Variants in IKBKE observed in about 807,000 individuals in gnomAD.
IKBKE encodes the protein inhibitor of nuclear factor kappa-B kinase subunit epsilon.
Under a neutral mutation model 92.1 loss-of-function variants are expected in IKBKE, and 45 were observed. The ratio of observed to expected loss-of-function variants is 0.49; its 90% CI spans 0.38 to 0.63. IKBKE has a LOEUF of 0.63. Ranked by LOEUF, IKBKE falls within the 20% of genes least tolerant of loss-of-function variation. IKBKE has a pLI of 0.00. For missense variants in IKBKE, 700 were observed against 932.8 expected (o/e 0.75, Z 3.25); for synonymous variants, 374 against 380.3 (o/e 0.98, Z 0.19).
Position 206,496,331 on chromosome 1 carries a change from G to T in IKBKE, c.*186G>T. On this transcript the variant is annotated 3_prime_UTR_variant, in exon 22 of 22. Transcript: ENST00000581977. ...TTTCTCCCTGGGAAGCAGCACAGCT[G>T]AGACTGGGCACCAGGCCACCTCTGT... 1.7e-6 allele frequency: 1 copy of T among 600,412 alleles called. No individual in the cohort carries two copies. The highest frequency in any genetic ancestry group is 3.0e-6 in the Non-Finnish European group (1 of 334,022). The allele number at this position is 600,412 out of a possible 1,614,324, so 37.2% of individuals were successfully genotyped here. A position where few individuals can be genotyped will look rare whatever the true frequency, so the allele number is the denominator to read the frequency against.
rs1553388265 is a variant in IKBKE at position 206,485,120 on chromosome 1, C to T, written c.1503+48C>T. The T allele has an allele frequency of 6.3e-7, 1 of 1,591,350 alleles. No homozygotes were observed. The highest frequency in any genetic ancestry group is 8.6e-7 in the Non-Finnish European group (1 of 1,159,370). On this transcript the variant is annotated intron_variant, in intron 14 of 21. Transcript: ENST00000581977. The surrounding 1 kb of genome is among the most constrained non-coding windows in gnomAD (Gnocchi z 5.0). ...GGCTTAGCAGGATCAGAGCTGGGGG[C>T]CCGTGTTCCAGCCAGCCTGCCCACC...
intron 16 of IKBKE, among the ~76,000 whole-genome samples, chr1:206,488,412 G>T (rs959128437): frequency 2.0e-5 from 3 of 152,188 alleles, no homozygotes; most frequent in Non-Finnish European, 4.4e-5. Context: ...TCCAGAAAAG[G>T]GGGGGTCAGG....
chr1:206,481,244 G>A (rs1326207890), intron 13 of IKBKE, among the ~76,000 whole-genome samples: 1 of 152,236 alleles, frequency 6.6e-6, no homozygotes, highest in East Asian at 1.9e-4. Flanking sequence ...GAGCTCTGCA[G>A]CCTAGGGATG....
Position 206,474,260 on chromosome 1 carries a change from G to T in IKBKE, c.88-71G>T, listed in dbSNP as rs1353855098. The T allele has an allele frequency of 4.2e-6, 6 of 1,441,152 alleles. No homozygotes were observed. The East Asian group carries it at 6.9e-5, about 17-fold the overall frequency. 89.3% of individuals were successfully genotyped at this position (1,441,152 alleles called of 1,614,324 possible). ...CTGAATGGAGGCCCAGGAGAGGGTG[G>T]CTGCTCCCCTGTGGGAGTGGGACAT... On this transcript the variant is annotated intron_variant, in intron 3 of 21. Coordinates refer to ENST00000581977, the MANE Select transcript of IKBKE (RefSeq NM_014002.4).
Position 206,474,862 on chromosome 1 carries a change from T to A in IKBKE, c.229-3T>A. On this transcript the variant is annotated splice_polypyrimidine_tract_variant and splice_region_variant and intron_variant, in intron 4 of 21. Coordinates refer to ENST00000581977, the MANE Select transcript of IKBKE (RefSeq NM_014002.4). ...CATGAGCCCCTCTCTGTCCCACCCATAGGGCGGAAGCCGGCAGAAGGTACT... is the reference window on the plus strand; with the variant it reads ...CATGAGCCCCTCTCTGTCCCACCCAAAGGGCGGAAGCCGGCAGAAGGTACT... 1.9e-6 allele frequency: 3 copies of A among 1,613,674 alleles called. No individual in the cohort carries two copies. The highest frequency in any genetic ancestry group is 2.5e-6 in the Non-Finnish European group (3 of 1,179,822).
At chr1:206,480,821 C>T (rs1665342861) in intron 13 of IKBKE, among the ~76,000 whole-genome samples, 1 of 152,216 alleles carries the variant, frequency 6.6e-6, no homozygotes, top group Non-Finnish European at 1.5e-5. Flanking sequence ...GGCTTGTGTC[C>T]TGCCAAGTCC....
Position 206,478,106 on chromosome 1 carries a change from G to A in IKBKE, c.813-54G>A. The A allele has an allele frequency of 7.3e-6, 11 of 1,502,232 alleles. No individual in the cohort carries two copies. Among genetic ancestry groups the A allele is most frequent in the Non-Finnish European group, 3.7e-6 (4 of 1,090,814 alleles). 93.1% of individuals were successfully genotyped at this position (1,502,232 alleles called of 1,614,324 possible). On this transcript the variant is annotated intron_variant, in intron 8 of 21. Transcript: ENST00000581977. This position sits in a 1 kb window ranked among gnomAD's most constrained non-coding sequence, Gnocchi z 4.8. ...TAGAACGCTCCTATTGCCTGCTTAAGGAGGATAGGTCTGGGCCCCCACCCC... is the reference window on the plus strand; with the variant it reads ...TAGAACGCTCCTATTGCCTGCTTAAAGAGGATAGGTCTGGGCCCCCACCCC...
intron 17 of IKBKE, chr1:206,491,447 G>C: frequency 2.0e-6 from 1 of 496,004 alleles, no homozygotes; most frequent in Non-Finnish European, 3.7e-6. Context: ...GTTGATGTGG[G>C]CTTTGCTGGC....
At position 206,478,428 on chromosome 1, in the gene IKBKE, C is replaced by A; in HGVS notation, c.992+89C>A. 2.3e-6 allele frequency: 3 copies of A among 1,322,264 alleles called. No individual in the cohort carries two copies. The highest frequency in any genetic ancestry group is 1.2e-5 in the South Asian group (1 of 80,382). 81.9% of individuals were successfully genotyped at this position (1,322,264 alleles called of 1,614,324 possible). A position where few individuals can be genotyped will look rare whatever the true frequency, so the allele number is the denominator to read the frequency against. ...AAAGCAGCATCTCCCACAGTACGTT[C>A]TGAGGAGTGTGTACATAGGAACGCT... On this transcript the variant is annotated intron_variant, in intron 9 of 21. Transcript: ENST00000581977. The surrounding 1 kb of genome is among the most constrained non-coding windows in gnomAD (Gnocchi z 4.8).
intron 16 of IKBKE, among the ~76,000 whole-genome samples, chr1:206,489,345 A>ATC (rs1665818113): frequency 8.4e-6 from 1 of 119,756 alleles, no homozygotes; most frequent in Admixed American, 9.2e-5. Context: ...ATGTGTGTAT[A>ATC]TGTGTGTGTG....
At chr1:206,488,886 C>T (rs1553389473) in intron 16 of IKBKE, among the ~76,000 whole-genome samples, 1 of 152,078 alleles carries the variant, frequency 6.6e-6, no homozygotes, top group South Asian at 2.1e-4. Context: ...TGTTATTCAA[C>T]CCAATATATC....
chr1:206,490,979 A>C lies in IKBKE; in HGVS notation c.1733+121A>C. On this transcript the variant is annotated intron_variant, in intron 17 of 21. Coordinates refer to ENST00000581977, the MANE Select transcript of IKBKE (RefSeq NM_014002.4). This position sits in a 1 kb window ranked among gnomAD's most constrained non-coding sequence, Gnocchi z 5.2. Reference sequence around the variant, plus strand: ...CCTGTCCCGGACTGCAGCTGAGCAGAGTTGGGGATAACAGGTTATCTGGGG... The same window carrying C: ...CCTGTCCCGGACTGCAGCTGAGCAGCGTTGGGGATAACAGGTTATCTGGGG... 2.2e-6 allele frequency: 2 copies of C among 920,954 alleles called. No individual in the cohort carries two copies. The highest frequency in any genetic ancestry group is 3.5e-6 in the Non-Finnish European group (2 of 566,302). The allele number at this position is 920,954 out of a possible 1,614,324, so 57.0% of individuals were successfully genotyped here.
rs1233452347 is a variant in IKBKE, at chr1:206,473,235, G to A, written c.8G>A (p.Ser3Asn). The change falls in exon 3 of 22, where the codon AGC becomes AAC. Residue 3 changes from serine (S) to asparagine (N), a missense_variant. Transcript: ENST00000581977. Reference protein sequence around the residue: MQSTANYLWHTDD... With the variant: MQNTANYLWHTDD... Reference sequence around the variant, plus strand: ...GCCAGCTCAGGGCAGGAGATGCAGAGCACAGCCAATTACCTGTGGCACACA... The same window carrying A: ...GCCAGCTCAGGGCAGGAGATGCAGAACACAGCCAATTACCTGTGGCACACA... 4.3e-6 allele frequency: 7 copies of A among 1,612,078 alleles called. No homozygotes were observed. Among genetic ancestry groups the A allele is most frequent in the Non-Finnish European group, 5.9e-6 (7 of 1,179,106 alleles).
In IKBKE at chr1:206,478,791, C is replaced by T; in HGVS notation, c.993-152C>T. On this transcript the variant is annotated intron_variant, in intron 9 of 21. Coordinates refer to ENST00000581977, the MANE Select transcript of IKBKE (RefSeq NM_014002.4). This position sits in a 1 kb window ranked among gnomAD's most constrained non-coding sequence, Gnocchi z 4.8. The stretch of plus-strand genomic sequence containing the variant: ...TGAACTCTCCCCTTGGTCTCTCCAC[C>T]CTTGATGACAGAGAAAACCACCCCC... The T allele has an allele frequency of 1.4e-6, 1 of 690,818 alleles. No homozygotes were observed. Among genetic ancestry groups the T allele is most frequent in the South Asian group, 1.7e-5 (1 of 60,466 alleles). The allele number at this position is 690,818 out of a possible 1,614,324, so 42.8% of individuals were successfully genotyped here.
Position 206,490,919 on chromosome 1 carries a change from C to A in IKBKE, c.1733+61C>A. 6.9e-7 allele frequency: 1 copy of A among 1,448,838 alleles called. No individual in the cohort carries two copies. The highest frequency in any genetic ancestry group is 9.7e-7 in the Non-Finnish European group (1 of 1,031,038). The allele number at this position is 1,448,838 out of a possible 1,614,324, so 89.7% of individuals were successfully genotyped here. ...GAGGGTGGGTGTCCTCAGGGCAGAG[C>A]GATTCTCAACGCCAGAGGAGAGGCA... On this transcript the variant is annotated intron_variant, in intron 17 of 21. Transcript: ENST00000581977. The surrounding 1 kb of genome is among the most constrained non-coding windows in gnomAD (Gnocchi z 5.2).
chr1:206,495,699 T>C (rs1229395658), intron 21 of IKBKE, among the ~76,000 whole-genome samples: 2 of 152,246 alleles, frequency 1.3e-5, no homozygotes, highest in South Asian at 2.1e-4. Flanking sequence ...TGCTGTGATA[T>C]GTCATCTATT....
At chr1:206,491,795 C>T (rs1016996825) in intron 18 of IKBKE, 46 bp downstream of exon 18, 19 of 1,421,708 alleles carry the variant, frequency 1.3e-5, no homozygotes, top group Non-Finnish European at 1.8e-5. Context: ...CTGGCCTGGC[C>T]CTTCTAGGCT....
chr1:206,471,613 C>G (rs550894318), intron 2 of IKBKE, among the ~76,000 whole-genome samples: 1 of 152,212 alleles, frequency 6.6e-6, no homozygotes, highest in African/African-American at 2.4e-5. Flanking sequence ...CCCCAGCCCC[C>G]AGACCTGCTG....
At chr1:206,472,082 T>C (rs1664805425) in intron 2 of IKBKE, among the ~76,000 whole-genome samples, 1 of 152,126 alleles carries the variant, frequency 6.6e-6, no homozygotes, top group Non-Finnish European at 1.5e-5. Context: ...AAAACCCATC[T>C]CTACTAAAAA....
Sources: gnomAD v4.1 joint callset for allele counts (sites outside exome capture counted in the v4.1 genomes callset) on GRCh38, gnomAD v4.1.1 for gene constraint, Gnocchi (gnomAD v3.1) non-coding constraint, MANE v1.5 for transcripts, NCBI Gene and HGNC (gene_info 2026-07-23, HGNC 2026-07-21) for gene names.